The following ARL15 variants were observed in gnomAD, a reference collection of about 807,000 sequenced individuals.
ARL15 encodes the protein ARF like GTPase 15.
A neutral mutation model predicts 25.2 loss-of-function variants in ARL15; 19 were observed. That is an observed-to-expected ratio of 0.75 (90% CI 0.53 to 1.10). The LOEUF (loss-of-function observed/expected upper bound fraction) is 1.10, where lower values mean the gene tolerates loss of function less well. ARL15 is among the 50% of genes least tolerant of loss of function. The pLI is 0.00. For synonymous variants in ARL15, 94 were observed against 86.8 expected (o/e 1.08, Z -0.46); for missense variants, 220 against 246.0 (o/e 0.89, Z 0.71).
intron 1 of ARL15, among the ~76,000 whole-genome samples, chr5:54,210,898 T>C (rs1482252271): frequency 2.0e-5 from 3 of 152,194 alleles, no homozygotes; most frequent in African/African-American, 7.2e-5. Context: ...TAGAACCCAA[T>C]CTAGTGCTTT....
intron 4 of ARL15, among the ~76,000 whole-genome samples, chr5:54,105,571 A>G (rs1046935746): frequency 6.6e-5 from 10 of 152,082 alleles, no homozygotes; most frequent in African/African-American, 2.4e-4. Context: ...ATTAATTAAA[A>G]GGCTACATTT....
At chr5:53,998,241 T>C (rs940968678) in intron 4 of ARL15, among the ~76,000 whole-genome samples, 2 of 148,232 alleles carry the variant, frequency 1.3e-5, no homozygotes, top group African/African-American at 5.0e-5. Context: ...TCTTGAATAA[T>C]GTATCGTTCT....
At chr5:54,041,908 A>G (rs1561199591) in intron 4 of ARL15, among the ~76,000 whole-genome samples, 1 of 152,026 alleles carries the variant, frequency 6.6e-6, no homozygotes, top group Non-Finnish European at 1.5e-5. Context: ...AAATCCTCCA[A>G]TAGATCATTT....
Position 54,235,523 on chromosome 5 carries a change from G to A in ARL15, c.49-63595C>T, listed in dbSNP as rs954136324. Among the ~76,000 whole-genome samples the A allele has an allele frequency of 2.0e-5, 3 of 146,876 alleles. No homozygotes were observed. The Admixed American group carries it at 2.1e-4, about 10-fold the overall frequency. ...TTTTTTTTTTTTGAGACAAGGTCTC[G>A]CTCTGTCACCCAAGCTGTAGTACAG... is the stretch of plus-strand genomic sequence containing the variant. On this transcript the variant is annotated intron_variant, in intron 1 of 4. Transcript: ENST00000504924.
At chr5:53,950,847 T>A (rs17250527) in intron 4 of ARL15, among the ~76,000 whole-genome samples, 2 of 151,944 alleles carry the variant, frequency 1.3e-5, no homozygotes, top group Non-Finnish European at 1.5e-5. Flanking sequence ...AACTGCAGAG[T>A]GAAAGTAAGT....
chr5:54,301,923 G>C (rs1225177148), intron 1 of ARL15, among the ~76,000 whole-genome samples: 1 of 152,202 alleles, frequency 6.6e-6, no homozygotes, highest in African/African-American at 2.4e-5. Flanking sequence ...AAATGAGATT[G>C]GCTTGCAAAT....
intron 4 of ARL15, among the ~76,000 whole-genome samples, chr5:53,925,584 T>G (rs954801224): frequency 1.3e-5 from 2 of 152,060 alleles, no homozygotes; most frequent in Admixed American, 1.3e-4. Context: ...AGGAGGATCG[T>G]TTGAGGTCAG....
At chr5:53,918,054 G>A (rs1580078309) in intron 4 of ARL15, among the ~76,000 whole-genome samples, 1 of 152,154 alleles carries the variant, frequency 6.6e-6, no homozygotes, top group Admixed American at 6.5e-5. Flanking sequence ...AGATAACTGA[G>A]GCTTCAGTTT....
At chr5:54,174,925 C>T (rs1754821671) in intron 1 of ARL15, among the ~76,000 whole-genome samples, 1 of 152,212 alleles carries the variant, frequency 6.6e-6, no homozygotes, top group Admixed American at 6.5e-5. Flanking sequence ...CTGCGTTGGT[C>T]TTGTTTGGGG....
chr5:54,073,868 C>T (rs1476337410), intron 4 of ARL15, among the ~76,000 whole-genome samples: 1 of 152,204 alleles, frequency 6.6e-6, no homozygotes, highest in Non-Finnish European at 1.5e-5. Flanking sequence ...CAAAACTCCT[C>T]TTGACTATTA....
At chr5:54,082,918 T>G (rs1359678298) in intron 4 of ARL15, among the ~76,000 whole-genome samples, 1 of 152,218 alleles carries the variant, frequency 6.6e-6, no homozygotes, top group South Asian at 2.1e-4. Context: ...ACTAATTTTA[T>G]CATTTTATTT....
chr5:53,893,674 G>A (rs1744789204), intron 4 of ARL15, among the ~76,000 whole-genome samples: 1 of 152,158 alleles, frequency 6.6e-6, no homozygotes, highest in Admixed American at 6.5e-5. Context: ...TATACATCTT[G>A]TATATGTATT....
intron 4 of ARL15, among the ~76,000 whole-genome samples, chr5:53,949,040 C>T (rs1746853664): frequency 6.6e-6 from 1 of 152,046 alleles, no homozygotes; most frequent in Non-Finnish European, 1.5e-5. Context: ...TAATATTCAA[C>T]AAAAAATTTA....
chr5:53,997,541 A>C (rs1482699654), intron 4 of ARL15, among the ~76,000 whole-genome samples: 3 of 152,176 alleles, frequency 2.0e-5, no homozygotes, highest in Non-Finnish European at 4.4e-5. Context: ...AACAGACTAC[A>C]TCATCTCAGC....
At chr5:53,983,154 G>A (rs1358585887) in intron 4 of ARL15, among the ~76,000 whole-genome samples, 1 of 152,076 alleles carries the variant, frequency 6.6e-6, no homozygotes, top group Non-Finnish European at 1.5e-5. Context: ...ATAAACAGCG[G>A]TCAGTTTTTG....
intron 4 of ARL15, among the ~76,000 whole-genome samples, chr5:54,084,533 A>G (rs540644715): frequency 9.9e-5 from 15 of 152,196 alleles, no homozygotes; most frequent in Middle Eastern, 3.4e-3. Flanking sequence ...TTTCTCCTCA[A>G]CGCTGCCCCT....
intron 4 of ARL15, among the ~76,000 whole-genome samples, chr5:54,099,515 C>CT (rs556124687): frequency 2.0e-5 from 3 of 151,996 alleles, no homozygotes; most frequent in Non-Finnish European, 4.4e-5. Context: ...GCAGTATTTT[C>CT]TTTTTTACAT....
intron 4 of ARL15, among the ~76,000 whole-genome samples, chr5:54,058,008 AT>A (rs1343404127): frequency 0.018 from 1,304 of 73,208 alleles, 34 homozygotes; most frequent in African/African-American, 0.043. Context: ...TTATTTATTT[AT>A]TTATTTATTT....
intron 1 of ARL15, among the ~76,000 whole-genome samples, chr5:54,304,171 T>C (rs1326244435): frequency 6.6e-6 from 1 of 152,198 alleles, no homozygotes; most frequent in Non-Finnish European, 1.5e-5. Flanking sequence ...CCAAGCTGCC[T>C]GAGCCTCTGC....
Sources: gnomAD v4.1 joint callset for allele counts (sites outside exome capture counted in the v4.1 genomes callset) on GRCh38, gnomAD v4.1.1 for gene constraint, MANE v1.5 for transcripts, NCBI Gene and HGNC (gene_info 2026-07-23, HGNC 2026-07-21) for gene names.